Variants in IL1RAPL1 observed in about 807,000 individuals in gnomAD.
IL1RAPL1 encodes interleukin 1 receptor accessory protein like 1.
In IL1RAPL1, 3 loss-of-function variants were observed where a neutral mutation model predicts 48.4. The ratio of observed to expected loss-of-function variants is 0.06; its 90% CI spans 0.03 to 0.16. The LOEUF is 0.16. Among genes scored for constraint, IL1RAPL1 ranks in the 10% least tolerant of loss-of-function variants. IL1RAPL1 has a pLI of 1.00. For synonymous variants in IL1RAPL1, 185 were observed against 187.7 expected, an observed-to-expected ratio of 0.99 and a Z score of 0.12; for missense variants, 349 against 530.6, an observed-to-expected ratio of 0.66 and a Z score of 3.36.
intron 5 of IL1RAPL1, among the ~76,000 whole-genome samples, chrX:29,545,131 G>A (rs1156643890): frequency 9.1e-6 from 1 of 110,106 alleles, no homozygotes; most frequent in Non-Finnish European, 1.9e-5. Flanking sequence ...CATTGCTTAA[G>A]CCACTCAGTC....
chrX:29,797,103 T>G (rs760669522), intron 6 of IL1RAPL1, among the ~76,000 whole-genome samples: 1 of 112,886 alleles, frequency 8.9e-6, no homozygotes, highest in South Asian at 3.6e-4. Context: ...TCCAGGGGAT[T>G]TTTTACTAAG....
chrX:29,570,038 A>G (rs930574576), intron 5 of IL1RAPL1, among the ~76,000 whole-genome samples: 1 of 112,302 alleles, frequency 8.9e-6, no homozygotes, highest in African/African-American at 3.2e-5. Flanking sequence ...TTTAGTAAGG[A>G]CATGGCAATG....
At chrX:28,649,016 A>G (rs1320112049) in intron 1 of IL1RAPL1, among the ~76,000 whole-genome samples, 1 of 111,886 alleles carries the variant, frequency 8.9e-6, no homozygotes, top group Non-Finnish European at 1.9e-5. Context: ...AGTAAGGTGA[A>G]TTTCATCATT....
At chrX:29,140,512 A>G (rs1286494987) in intron 2 of IL1RAPL1, among the ~76,000 whole-genome samples, 1 of 112,109 alleles carries the variant, frequency 8.9e-6, no homozygotes, top group Admixed American at 9.5e-5. Context: ...TTGAGGATTA[A>G]AAGAGGTGCT....
intron 2 of IL1RAPL1, among the ~76,000 whole-genome samples, chrX:28,898,884 G>A (rs1426078603): frequency 9.0e-6 from 1 of 110,646 alleles, no homozygotes; most frequent in Non-Finnish European, 1.9e-5. Flanking sequence ...TGACCTCCTG[G>A]GCTCAAGAGA....
rs760262924 is a variant in IL1RAPL1 at position 29,794,529 on chromosome X, A to G, written c.779-122935A>G. 1.2e-4 allele frequency among the ~76,000 whole-genome samples: 14 copies of G among 112,184 alleles called. No homozygotes were observed. In the South Asian group the frequency reaches 5.2e-3, roughly 42 times the overall value. ...TTAAAGCAAGCCTGAGATTAAATAG[A>G]CCAAATTCTGTCAAATGTACCAACA... On this transcript the variant is annotated intron_variant, in intron 6 of 10. Coordinates refer to ENST00000378993, the MANE Select transcript of IL1RAPL1 (RefSeq NM_014271.4).
intron 2 of IL1RAPL1, among the ~76,000 whole-genome samples, chrX:29,153,642 G>A (rs1602084449): frequency 8.9e-6 from 1 of 112,323 alleles, no homozygotes; most frequent in Non-Finnish European, 1.9e-5. Context: ...GAGATCCAGC[G>A]ATTAGCCTAC....
chrX:29,052,133 G>A (rs1430973904), intron 2 of IL1RAPL1, among the ~76,000 whole-genome samples: 1 of 111,589 alleles, frequency 9.0e-6, no homozygotes, highest in East Asian at 2.8e-4. Context: ...GTATTTTTAT[G>A]AACTATACCA....
chrX:29,117,909 A>G (rs990358446), intron 2 of IL1RAPL1, among the ~76,000 whole-genome samples: 5 of 111,742 alleles, frequency 4.5e-5, no homozygotes, highest in African/African-American at 1.6e-4. Flanking sequence ...TTTGCTCTGT[A>G]TCTCAGCATT....
chrX:29,094,365 A>G (rs185092982), intron 2 of IL1RAPL1, among the ~76,000 whole-genome samples: 31 of 111,653 alleles, frequency 2.8e-4, no homozygotes, highest in African/African-American at 8.1e-4. Flanking sequence ...GTGCCTTTCA[A>G]TTCACTATGG....
At chrX:29,389,080 G>T (rs1933820900) in intron 3 of IL1RAPL1, among the ~76,000 whole-genome samples, 1 of 111,511 alleles carries the variant, frequency 9.0e-6, no homozygotes, top group Non-Finnish European at 1.9e-5. Context: ...TTGTTGGCCA[G>T]GTGCGGTGGC....
chrX:29,424,772 A>C (rs1934330891), intron 5 of IL1RAPL1, among the ~76,000 whole-genome samples: 1 of 111,563 alleles, frequency 9.0e-6, no homozygotes, highest in Admixed American at 9.5e-5. Context: ...GTATGGGAGG[A>C]AAACTCAGTT....
intron 2 of IL1RAPL1, among the ~76,000 whole-genome samples, chrX:29,156,346 G>A (rs771107022): frequency 1.8e-5 from 2 of 111,786 alleles, no homozygotes; most frequent in South Asian, 3.7e-4. Flanking sequence ...CACCTACTGA[G>A]GTGTGTTCTT....
At chrX:29,463,314 G>A (rs1241256418) in intron 5 of IL1RAPL1, among the ~76,000 whole-genome samples, 2 of 111,590 alleles carry the variant, frequency 1.8e-5, no homozygotes, top group African/African-American at 6.5e-5. Flanking sequence ...TGAATTGCTG[G>A]TGAATTCCAG....
chrX:28,782,453 C>A (rs1936433027), intron 1 of IL1RAPL1, among the ~76,000 whole-genome samples: 1 of 111,336 alleles, frequency 9.0e-6, no homozygotes, highest in Non-Finnish European at 1.9e-5. Flanking sequence ...TACCCTACTA[C>A]TAATAAAAAT....
At chrX:29,029,239 A>G (rs1288262042) in intron 2 of IL1RAPL1, among the ~76,000 whole-genome samples, 1 of 111,252 alleles carries the variant, frequency 9.0e-6, no homozygotes, top group African/African-American at 3.3e-5. Flanking sequence ...ATAATTCAAG[A>G]TGAGATTTGG....
chrX:29,364,584 GAA>G (rs887010401), intron 3 of IL1RAPL1, among the ~76,000 whole-genome samples: 1 of 84,620 alleles, frequency 1.2e-5, no homozygotes, highest in African/African-American at 4.6e-5. Flanking sequence ...AAAAAAAAAA[GAA>G]AAAATATTTG....
At chrX:28,827,681 G>A in intron 2 of IL1RAPL1, among the ~76,000 whole-genome samples, 1 of 111,424 alleles carries the variant, frequency 9.0e-6, no homozygotes, top group Non-Finnish European at 1.9e-5. Flanking sequence ...TCATTTATTT[G>A]TACTTACAGC....
chrX:29,142,058 A>T (rs1316295162), intron 2 of IL1RAPL1, among the ~76,000 whole-genome samples: 12 of 111,787 alleles, frequency 1.1e-4, no homozygotes, highest in South Asian at 3.7e-4. Context: ...CAGAAACCTT[A>T]AAATAGATAA....
Sources: allele counts gnomAD v4.1 joint callset (sites outside exome capture counted in the v4.1 genomes callset), GRCh38; gene constraint gnomAD v4.1.1; transcripts MANE v1.5; gene names NCBI Gene and HGNC (gene_info 2026-07-23, HGNC 2026-07-21).